The following ATRNL1 variants were observed in gnomAD, a reference collection of about 807,000 sequenced individuals.
ATRNL1 encodes attractin-like protein 1.
Under a neutral mutation model 182.7 loss-of-function variants are expected in ATRNL1, and 95 were observed. The ratio of observed to expected loss-of-function variants is 0.52; its 90% CI spans 0.44 to 0.62. The LOEUF (loss-of-function observed/expected upper bound fraction) is 0.62, where lower values mean the gene tolerates loss of function less well. ATRNL1 is among the 20% of genes least tolerant of loss of function. ATRNL1 has a pLI of 0.00. For synonymous variants in ATRNL1, 576 were observed against 568.3 expected (o/e 1.01, Z -0.19); for missense variants, 1,471 against 1,679.5 (o/e 0.88, Z 2.17).
At chr10:115,327,238 G>GA (rs782058002) in intron 18 of ATRNL1, among the ~76,000 whole-genome samples, 5 of 146,160 alleles carry the variant, frequency 3.4e-5, no homozygotes, top group East Asian at 4.0e-4. Flanking sequence ...AAATTTACAA[G>GA]AAAAAAAACA....
At chr10:115,269,624 G>A (rs539832112) in intron 13 of ATRNL1, among the ~76,000 whole-genome samples, 20 of 152,206 alleles carry the variant, frequency 1.3e-4, no homozygotes, top group African/African-American at 4.8e-4. Flanking sequence ...ATGAGGCACT[G>A]CACCCAGCCC....
intron 26 of ATRNL1, chr10:115,597,487 G>T (rs1856318480): frequency 2.8e-6 from 1 of 351,028 alleles, no homozygotes; most frequent in African/African-American, 2.2e-5. Context: ...TACAAATGTG[G>T]GTTAATAATG....
chr10:115,654,795 A>T (rs371669094), intron 26 of ATRNL1, among the ~76,000 whole-genome samples: 1 of 152,316 alleles, frequency 6.6e-6, no homozygotes, highest in Admixed American at 6.5e-5. Context: ...TCACAAAGAA[A>T]GGTGACATTT....
At chr10:115,223,906 T>A (rs1259458503) in intron 9 of ATRNL1, among the ~76,000 whole-genome samples, 1 of 67,952 alleles carries the variant, frequency 1.5e-5, no homozygotes, top group African/African-American at 7.3e-5. Context: ...TGTGTGTGTG[T>A]GTGTGTGTAT....
At chr10:115,724,181 T>G (rs12257613) in intron 26 of ATRNL1, among the ~76,000 whole-genome samples, 10,716 of 152,240 alleles carry the variant, frequency 0.07, 807 homozygotes, top group East Asian at 0.18. Flanking sequence ...CAAATTTTCT[T>G]AAGAAAATAC....
chr10:115,236,450 T>C (rs1850184230), intron 9 of ATRNL1, among the ~76,000 whole-genome samples: 1 of 152,220 alleles, frequency 6.6e-6, no homozygotes, highest in Non-Finnish European at 1.5e-5. Flanking sequence ...CATTTTATGC[T>C]TCATACATTA....
At chr10:115,745,004 C>T (rs1470782031) in intron 27 of ATRNL1, among the ~76,000 whole-genome samples, 1 of 152,106 alleles carries the variant, frequency 6.6e-6, no homozygotes, top group Non-Finnish European at 1.5e-5. Context: ...AGTGACCACA[C>T]CAATCAAGAT....
intron 28 of ATRNL1, among the ~76,000 whole-genome samples, chr10:115,865,171 T>C (rs573378540): frequency 6.6e-6 from 1 of 152,216 alleles, no homozygotes; most frequent in East Asian, 1.9e-4. Flanking sequence ...AAAAATAATA[T>C]ATAACTGAGA....
chr10:115,676,269 A>G (rs576048300), intron 26 of ATRNL1, among the ~76,000 whole-genome samples: 3 of 152,168 alleles, frequency 2.0e-5, no homozygotes, highest in South Asian at 4.2e-4. Context: ...GAAAACAAAA[A>G]GAACTTTCAA....
intron 8 of ATRNL1, among the ~76,000 whole-genome samples, chr10:115,214,711 C>A (rs1216463889): frequency 2.0e-5 from 3 of 151,978 alleles, no homozygotes; most frequent in Non-Finnish European, 4.4e-5. Flanking sequence ...TATATAGCTG[C>A]TTTTTATAAT....
At chr10:115,335,285 C>G (rs1855427018) in intron 19 of ATRNL1, among the ~76,000 whole-genome samples, 1 of 152,028 alleles carries the variant, frequency 6.6e-6, no homozygotes, top group Non-Finnish European at 1.5e-5. Context: ...ACATAGCACC[C>G]ACAGAAATAC....
At chr10:115,638,986 G>C (rs1023109142) in intron 26 of ATRNL1, among the ~76,000 whole-genome samples, 3 of 152,020 alleles carry the variant, frequency 2.0e-5, no homozygotes, top group African/African-American at 7.2e-5. Context: ...GAATATTTGA[G>C]GAAATAAAGG....
At chr10:115,197,680 C>CTAT (rs1848413447) in intron 8 of ATRNL1, among the ~76,000 whole-genome samples, 1 of 152,066 alleles carries the variant, frequency 6.6e-6, no homozygotes, top group Non-Finnish European at 1.5e-5. Context: ...GTGCAGTCGG[C>CTAT]CTGGGGAATC....
chr10:115,289,758 C>T (rs1554920245), intron 15 of ATRNL1, among the ~76,000 whole-genome samples: 1 of 152,124 alleles, frequency 6.6e-6, no homozygotes, highest in Non-Finnish European at 1.5e-5. Context: ...GTTTTTATAC[C>T]AGTACCATGC....
chr10:115,182,814 T>C (rs1397603932), intron 8 of ATRNL1, among the ~76,000 whole-genome samples: 1 of 151,328 alleles, frequency 6.6e-6, no homozygotes, highest in Non-Finnish European at 1.5e-5. Flanking sequence ...CAACCACCTA[T>C]AGAAAACAGA....
At chr10:115,255,473 T>C (rs1282280162) in intron 10 of ATRNL1, among the ~76,000 whole-genome samples, 3 of 152,230 alleles carry the variant, frequency 2.0e-5, no homozygotes, top group Non-Finnish European at 4.4e-5. Flanking sequence ...TTTGTGATTT[T>C]TGCACATTGA....
At chr10:115,465,076 T>C (rs527443320) in intron 22 of ATRNL1, among the ~76,000 whole-genome samples, 1 of 151,898 alleles carries the variant, frequency 6.6e-6, no homozygotes, top group East Asian at 1.9e-4. Context: ...TTTTAGAGAT[T>C]AGAAAAATGA....
At chr10:115,660,488 A>G (rs1289098253) in intron 26 of ATRNL1, among the ~76,000 whole-genome samples, 1 of 152,148 alleles carries the variant, frequency 6.6e-6, no homozygotes, top group African/African-American at 2.4e-5. Context: ...GAAGTCATCA[A>G]CATAAGCTGA....
intron 1 of ATRNL1, among the ~76,000 whole-genome samples, chr10:115,108,954 T>G (rs1366007795): frequency 2.6e-5 from 4 of 152,196 alleles, no homozygotes; most frequent in Non-Finnish European, 5.9e-5. Flanking sequence ...GGATGGCTAT[T>G]ACTCCAGTTT....
Sources: gnomAD v4.1 joint callset for allele counts (sites outside exome capture counted in the v4.1 genomes callset) on GRCh38, gnomAD v4.1.1 for gene constraint, MANE v1.5 for transcripts, NCBI Gene and HGNC (gene_info 2026-07-23, HGNC 2026-07-21) for gene names.